ZFPM1: variants seen among roughly 807,000 people sequenced by gnomAD.
The protein encoded by ZFPM1 is zinc finger protein, FOG family member 1.
Under a neutral mutation model 46.3 loss-of-function variants are expected in ZFPM1, and 28 were observed. The observed-to-expected ratio is 0.60, with a 90% CI of 0.45 to 0.83. The LOEUF is 0.83. Ranked by LOEUF, ZFPM1 falls within the 40% of genes least tolerant of loss-of-function variation. ZFPM1 has a pLI of 0.00. For missense variants in ZFPM1, 1,878 were observed against 1,432.4 expected (o/e 1.31, Z -5.02); for synonymous variants, 957 against 675.9 (o/e 1.42, Z -6.45).
chr16:88,491,647 C>T (rs562487721), intron 3 of ZFPM1, among the ~76,000 whole-genome samples: 1 of 152,166 alleles, frequency 6.6e-6, no homozygotes, highest in Non-Finnish European at 1.5e-5. Context: ...AGCCTGGCGC[C>T]GGGAAGGGCC....
intron 3 of ZFPM1, among the ~76,000 whole-genome samples, chr16:88,492,967 C>T (rs1002651510): frequency 6.6e-6 from 1 of 152,010 alleles, no homozygotes; most frequent in African/African-American, 2.4e-5. Flanking sequence ...GTGTGGGGAG[C>T]TGTCCCAGGG....
intron 1 of ZFPM1, among the ~76,000 whole-genome samples, chr16:88,476,075 C>G (rs1427475270): frequency 6.6e-6 from 1 of 152,138 alleles, no homozygotes; most frequent in Non-Finnish European, 1.5e-5. Context: ...TGCCCCCACA[C>G]CCACCCAGGC....
chr16:88,523,468 G>A (rs570647280), intron 4 of ZFPM1, among the ~76,000 whole-genome samples: 10 of 152,190 alleles, frequency 6.6e-5, no homozygotes, highest in East Asian at 1.9e-4. Context: ...CAGGATGGGC[G>A]GGTGGCCCCG....
At chr16:88,488,560 T>TA (rs1483075533) in intron 2 of ZFPM1, among the ~76,000 whole-genome samples, 2 of 150,816 alleles carry the variant, frequency 1.3e-5, no homozygotes, top group African/African-American at 4.9e-5. Context: ...TAATAATCTG[T>TA]AGACACGTGA....
chr16:88,468,474 C>G (rs953812204), intron 1 of ZFPM1, among the ~76,000 whole-genome samples: 3 of 152,190 alleles, frequency 2.0e-5, no homozygotes, highest in Non-Finnish European at 4.4e-5. Context: ...GACTTGGGGC[C>G]AGGTCCCAGC....
intron 3 of ZFPM1, among the ~76,000 whole-genome samples, chr16:88,513,997 C>A (rs923755829): frequency 6.6e-6 from 1 of 152,218 alleles, no homozygotes; most frequent in African/African-American, 2.4e-5. Flanking sequence ...AATATCAGCA[C>A]GTTCATAGAC....
At chr16:88,500,651 C>T (rs748859646) in intron 3 of ZFPM1, among the ~76,000 whole-genome samples, 3 of 152,032 alleles carry the variant, frequency 2.0e-5, no homozygotes, top group Non-Finnish European at 2.9e-5. Flanking sequence ...GCTGGCACAA[C>T]GGCAGACTCA....
At chr16:88,475,294 G>A (rs114649326) in intron 1 of ZFPM1, among the ~76,000 whole-genome samples, 2,100 of 152,312 alleles carry the variant, frequency 0.014, 53 homozygotes, top group African/African-American at 0.049. Context: ...CAGAGGGGAG[G>A]GTGGGCACAC....
Position 88,534,792 on chromosome 16 carries a change from C to T in ZFPM1, c.2834C>T (p.Pro945Leu), listed in dbSNP as rs1913156135. ...GCCGCCGCGCCCGAGGCCGTGCCGC[C>T]CCCGCCGGCGCCCCCCTCCTACTCG... ...SPAAAPEAVP[P>L]PPAPPSYSDK... The change falls in exon 10 of 10, where the codon CCC (proline) becomes CTC (leucine). Residue 945 changes from proline (P) to leucine (L), a missense_variant. Transcript: ENST00000319555. The T allele has an allele frequency of 6.6e-6, 9 of 1,360,634 alleles. No individual in the cohort carries two copies. The highest frequency in any genetic ancestry group is 1.5e-5 in the African/African-American group (1 of 67,204). The allele number at this position is 1,360,634 out of a possible 1,614,324, so 84.3% of individuals were successfully genotyped here.
At chr16:88,520,761 A>ATGATGGACAGG (rs1911801929) in intron 4 of ZFPM1, among the ~76,000 whole-genome samples, 1 of 96,648 alleles carries the variant, frequency 1.0e-5, no homozygotes, top group South Asian at 4.2e-4. Context: ...GGGTGGGTGG[A>ATGATGGACAGG]TGGATGGATG....
At chr16:88,452,457 C>A (rs1434840008), upstream of ZFPM1, among the ~76,000 whole-genome samples, 1 of 152,188 alleles carries the variant, frequency 6.6e-6, no homozygotes, top group Admixed American at 6.5e-5. Context: ...CAAGTGGCAA[C>A]GCCCAGGGCT....
At position 88,529,908 on chromosome 16, in the gene ZFPM1, C is replaced by T. The variant is rs995636584; in HGVS notation, c.712+1670C>T. Among the ~76,000 whole-genome samples the T allele has an allele frequency of 3.3e-5, 5 of 152,164 alleles. No homozygotes were observed. In the East Asian group the frequency reaches 9.6e-4, roughly 29 times the overall value. ...ATGTGCTGGTGGGAATAGCTGGTGA[C>T]ACTGGAGAGAACGGGCCGAGCGGCC... is the stretch of plus-strand genomic sequence containing the variant. On this transcript the variant is annotated intron_variant, in intron 6 of 9. Transcript: ENST00000319555.
intron 1 of ZFPM1, among the ~76,000 whole-genome samples, chr16:88,477,492 G>A (rs560328613): frequency 6.6e-6 from 1 of 152,324 alleles, no homozygotes; most frequent in African/African-American, 2.4e-5. Flanking sequence ...GCTGGGTGCA[G>A]TGGCTCATGC....
intron 1 of ZFPM1, among the ~76,000 whole-genome samples, chr16:88,470,025 C>G (rs1908342060): frequency 6.6e-6 from 1 of 152,146 alleles, no homozygotes; most frequent in Non-Finnish European, 1.5e-5. Flanking sequence ...TAAATACTCC[C>G]CAGCTGATTT....
At chr16:88,456,246 C>T (rs1393541375) in intron 1 of ZFPM1, among the ~76,000 whole-genome samples, 4 of 152,246 alleles carry the variant, frequency 2.6e-5, no homozygotes, top group Non-Finnish European at 5.9e-5. Context: ...GGGGAGGACA[C>T]CCCGCCCCGA....
chr16:88,513,029 G>A (rs930604444), intron 3 of ZFPM1: 3 of 152,272 alleles, frequency 2.0e-5, no homozygotes, highest in Admixed American at 6.5e-5. Flanking sequence ...ATAGGGCCGC[G>A]GGGTGCTAGC....
Position 88,532,201 on chromosome 16 carries a change from C to G in ZFPM1, c.912C>G (p.Ala304=). The G allele has an allele frequency of 6.2e-7, 1 of 1,609,628 alleles. No homozygotes were observed. Among genetic ancestry groups the G allele is most frequent in the Non-Finnish European group, 8.5e-7 (1 of 1,177,670 alleles). The change falls in exon 7 of 10, where the codon GCC becomes GCG. Residue 304 remains alanine (A), a synonymous_variant. Coordinates refer to ENST00000319555, the MANE Select transcript of ZFPM1 (RefSeq NM_153813.3). ...FPQCRKSCPS[A]SSLEIHMRSH... is the part of the protein sequence containing the mutation. ...AGTGCCGCAAGAGCTGCCCCAGCGC[C>G]AGCTCCCTGGAGATCCACATGCGCA...
intron 3 of ZFPM1, among the ~76,000 whole-genome samples, chr16:88,513,873 C>T (rs1471176557): frequency 6.6e-6 from 1 of 152,238 alleles, no homozygotes; most frequent in East Asian, 1.9e-4. Context: ...TCTTTTCTGT[C>T]TCCTTTTCTG....
intron 4 of ZFPM1, chr16:88,522,237 G>A (rs1036101695): frequency 6.6e-6 from 1 of 152,378 alleles, no homozygotes; most frequent in Non-Finnish European, 1.5e-5. Flanking sequence ...CCTCACCTGG[G>A]AAGTGTACTC....
Sources: allele counts gnomAD v4.1 joint callset (sites outside exome capture counted in the v4.1 genomes callset), GRCh38; gene constraint gnomAD v4.1.1; transcripts MANE v1.5; gene names NCBI Gene and HGNC (gene_info 2026-07-23, HGNC 2026-07-21).